Variants in RBFOX1 observed in about 807,000 individuals in gnomAD.
RBFOX1 encodes RNA binding fox-1 homolog 1, also known as RNA binding protein fox-1 homolog 1.
Under a neutral mutation model 57.7 loss-of-function variants are expected in RBFOX1, and 8 were observed. That is an observed-to-expected ratio of 0.14 (90% CI 0.08 to 0.25). RBFOX1 has a LOEUF of 0.25. RBFOX1 is among the 10% of genes least tolerant of loss of function. The pLI, the probability that RBFOX1 is intolerant of heterozygous loss-of-function variation, is 1.00. For missense variants in RBFOX1, 611 were observed against 548.5 expected, an observed-to-expected ratio of 1.11 and a Z score of -1.14; for synonymous variants, 326 against 222.4, an observed-to-expected ratio of 1.47 and a Z score of -4.15.
intron 3 of RBFOX1, among the ~76,000 whole-genome samples, chr16:6,656,455 G>A (rs1201290764): frequency 6.6e-6 from 1 of 152,106 alleles, no homozygotes; most frequent in African/African-American, 2.4e-5. Flanking sequence ...CTCCACCTAT[G>A]TGAACTGCCT....
intron 4 of RBFOX1, among the ~76,000 whole-genome samples, chr16:7,354,561 T>C (rs1452702559): frequency 2.0e-5 from 3 of 152,210 alleles, no homozygotes; most frequent in Non-Finnish European, 4.4e-5. Context: ...AACTCAGCTT[T>C]TCAAAGGCCA....
At chr16:7,695,278 C>G (rs1366107549) in intron 14 of RBFOX1, among the ~76,000 whole-genome samples, 1 of 152,174 alleles carries the variant, frequency 6.6e-6, no homozygotes, top group East Asian at 1.9e-4. Flanking sequence ...GTCAGATTAT[C>G]TCCCAGCAAG....
At chr16:7,039,617 C>T (rs945681848) in intron 3 of RBFOX1, among the ~76,000 whole-genome samples, 4 of 152,096 alleles carry the variant, frequency 2.6e-5, no homozygotes, top group Non-Finnish European at 5.9e-5. Context: ...AAGTAACAAC[C>T]GCCATGACCG....
At position 7,664,980 on chromosome 16, in the gene RBFOX1, T is replaced by C; in HGVS notation, c.930+12T>C. The C allele has an allele frequency of 1.2e-6, 2 of 1,613,946 alleles. No homozygotes were observed. Among genetic ancestry groups the C allele is most frequent in the Non-Finnish European group, 1.7e-6 (2 of 1,179,850 alleles). On this transcript the variant is annotated intron_variant, in intron 13 of 15. Coordinates refer to ENST00000550418, the MANE Select transcript of RBFOX1 (RefSeq NM_018723.4). Reference sequence around the variant, plus strand: ...GTGCAGACATTTATGTAAGTATTCATTCACGTGCATGCCATCCCCGTTTCC... The same window carrying C: ...GTGCAGACATTTATGTAAGTATTCACTCACGTGCATGCCATCCCCGTTTCC...
intron 3 of RBFOX1, among the ~76,000 whole-genome samples, chr16:5,641,608 T>G (rs1352985175): frequency 2.0e-5 from 3 of 152,156 alleles, no homozygotes; most frequent in Non-Finnish European, 4.4e-5. Context: ...GCACCCCTTT[T>G]GGGTGTGCCA....
chr16:6,062,492 G>T (rs1345060854), intron 1 of RBFOX1, among the ~76,000 whole-genome samples: 1 of 151,600 alleles, frequency 6.6e-6, no homozygotes, highest in Non-Finnish European at 1.5e-5. Flanking sequence ...CAAGAACCAG[G>T]TTCAGCAACC....
chr16:7,042,223 C>T (rs959579275), intron 3 of RBFOX1, among the ~76,000 whole-genome samples: 22 of 152,196 alleles, frequency 1.4e-4, no homozygotes, highest in Non-Finnish European at 2.9e-5. Flanking sequence ...TAAACAGCAT[C>T]TTGTCAGGGC....
intron 12 of RBFOX1, among the ~76,000 whole-genome samples, chr16:7,656,831 GA>G (rs1324759949): frequency 6.6e-6 from 1 of 152,120 alleles, no homozygotes; most frequent in Non-Finnish European, 1.5e-5. Flanking sequence ...GAACACTAGG[GA>G]AAGGTCCTTA....
intron 4 of RBFOX1, among the ~76,000 whole-genome samples, chr16:7,284,687 C>G (rs1015589510): frequency 1.3e-5 from 2 of 152,144 alleles, no homozygotes; most frequent in African/African-American, 4.8e-5. Flanking sequence ...GTGGTAGTTT[C>G]GGTGTTTAAT....
At chr16:5,371,228 G>A (rs949352070) in intron 1 of RBFOX1, among the ~76,000 whole-genome samples, 3 of 152,226 alleles carry the variant, frequency 2.0e-5, no homozygotes, top group South Asian at 2.1e-4. Context: ...GATTACAGGC[G>A]TGAGCCCCCT....
intron 2 of RBFOX1, among the ~76,000 whole-genome samples, chr16:6,584,340 CATTATT>C (rs3045200): frequency 0.057 from 7,797 of 136,684 alleles, 296 homozygotes; most frequent in African/African-American, 0.12. Flanking sequence ...GTTTTATTTT[CATTATT>C]ATTATTATTA....
In RBFOX1 at chr16:5,290,404, C is replaced by T. The variant is rs570522315; in HGVS notation, c.219+50299C>T. ...TAGTGGGAGGAGGAAATGGGAGGTA[C>T]CTGCTAATGGATACAGGGTTTCTTT... On this transcript the variant is annotated intron_variant, in intron 1 of 2. Coordinates refer to the RBFOX1 transcript ENST00000585867. Among the ~76,000 whole-genome samples, 6 of 152,148 alleles carry T rather than the reference C, an allele frequency of 3.9e-5. No homozygotes were observed. The East Asian group carries it at 5.8e-4, about 15-fold the overall frequency.
At chr16:6,839,092 C>A (rs766243076) in intron 3 of RBFOX1, among the ~76,000 whole-genome samples, 1 of 151,866 alleles carries the variant, frequency 6.6e-6, no homozygotes, top group Non-Finnish European at 1.5e-5. Context: ...TCAAGTGATT[C>A]TCCCGCCTCA....
chr16:7,397,983 A>C (rs1264317863), intron 4 of RBFOX1, among the ~76,000 whole-genome samples: 1 of 152,168 alleles, frequency 6.6e-6, no homozygotes, highest in Non-Finnish European at 1.5e-5. Flanking sequence ...AACCACCAAG[A>C]CATCTAAGCT....
At chr16:6,950,037 C>A (rs1034921248) in intron 3 of RBFOX1, among the ~76,000 whole-genome samples, 1 of 151,418 alleles carries the variant, frequency 6.6e-6, no homozygotes, top group Non-Finnish European at 1.5e-5. Context: ...ACGTCTGCCT[C>A]CTGGGTTCAA....
intron 2 of RBFOX1, among the ~76,000 whole-genome samples, chr16:5,589,114 G>T (rs2046926188): frequency 6.6e-6 from 1 of 152,182 alleles, no homozygotes; most frequent in African/African-American, 2.4e-5. Flanking sequence ...CTCCTTATGG[G>T]AGATGTTGTA....
intron 4 of RBFOX1, among the ~76,000 whole-genome samples, chr16:7,319,109 A>G (rs2096496809): frequency 1.3e-5 from 2 of 152,082 alleles, no homozygotes; most frequent in Non-Finnish European, 2.9e-5. Flanking sequence ...TAAATCCTTC[A>G]GTTCCCTTTT....
At chr16:7,040,209 C>T (rs776528731) in intron 3 of RBFOX1, among the ~76,000 whole-genome samples, 12 of 151,672 alleles carry the variant, frequency 7.9e-5, no homozygotes, top group South Asian at 4.2e-4. Context: ...TTAGTAGAGA[C>T]GGGGTTTCAC....
chr16:5,643,074 G>A (rs1015420133), intron 3 of RBFOX1, among the ~76,000 whole-genome samples: 13 of 152,272 alleles, frequency 8.5e-5, no homozygotes, highest in African/African-American at 2.9e-4. Context: ...CAGATTGTGG[G>A]ATATGGGCAG....
Sources: gnomAD v4.1 joint callset for allele counts (sites outside exome capture counted in the v4.1 genomes callset) on GRCh38, gnomAD v4.1.1 for gene constraint, MANE v1.5 for transcripts, NCBI Gene and HGNC (gene_info 2026-07-23, HGNC 2026-07-21) for gene names.